Variants in DESI2 observed in about 807,000 individuals in gnomAD.
DESI2 encodes the protein deubiquitinase DESI2.
Under a neutral mutation model 24.1 loss-of-function variants are expected in DESI2, and 10 were observed. The observed-to-expected ratio is 0.41, with a 90% CI of 0.26 to 0.70. DESI2 has a LOEUF of 0.70. Among genes scored for constraint, DESI2 ranks in the 30% least tolerant of loss-of-function variants. The probability of loss-of-function intolerance (pLI) is 0.29; values close to 1 mark genes in which losing one functional copy is unlikely to be tolerated. For synonymous variants in DESI2, 71 were observed against 87.7 expected (o/e 0.81, Z 1.06); for missense variants, 122 against 234.9 (o/e 0.52, Z 3.14).
At chr1:244,656,188 G>A (rs184034529) in intron 1 of DESI2, 1 of 152,260 alleles carries the variant, frequency 6.6e-6, no homozygotes, top group Admixed American at 6.5e-5. Flanking sequence ...ATCAACCTTA[G>A]GGATGCCCTT....
chr1:244,695,519 G>C (rs1677180302), intron 4 of DESI2, among the ~76,000 whole-genome samples: 1 of 152,266 alleles, frequency 6.6e-6, no homozygotes, highest in African/African-American at 2.4e-5. Context: ...TGGGCGTGGT[G>C]GCGGGCACCT....
In DESI2 at chr1:244,683,201, G is replaced by A. The variant is rs937701401; in HGVS notation, c.43-3396G>A. On this transcript the variant is annotated intron_variant, in intron 1 of 4. Coordinates refer to ENST00000302550, the MANE Select transcript of DESI2 (RefSeq NM_016076.5). ...GGTGATCAGATAGCAAGGGTTGGGGGTTCTTGCTGAACTGAATTAGCAAGA... is the reference window on the plus strand; with the variant it reads ...GGTGATCAGATAGCAAGGGTTGGGGATTCTTGCTGAACTGAATTAGCAAGA... Among the ~76,000 whole-genome samples, 14 of 152,288 alleles carry A rather than the reference G, an allele frequency of 9.2e-5. No individual in the cohort carries two copies. In the South Asian group the frequency reaches 2.9e-3, roughly 32 times the overall value.
At chr1:244,668,871 G>A (rs531372689) in intron 1 of DESI2, among the ~76,000 whole-genome samples, 1 of 152,260 alleles carries the variant, frequency 6.6e-6, no homozygotes, top group South Asian at 2.1e-4. Flanking sequence ...GCAAGATTGA[G>A]CCCAAAAGTA....
chr1:244,703,933 A>G (rs1175756511), intron 4 of DESI2, among the ~76,000 whole-genome samples: 1 of 152,116 alleles, frequency 6.6e-6, no homozygotes, highest in African/African-American at 2.4e-5. Context: ...GCTGGGAATT[A>G]CAGGTGTGAG....
intron 1 of DESI2, chr1:244,653,930 T>C (rs1223513833): frequency 1.3e-5 from 6 of 471,116 alleles, no homozygotes; most frequent in African/African-American, 6.0e-5. Context: ...CGTTAAAATA[T>C]GAATGAGGCT....
chr1:244,672,190 T>G (rs138180069), intron 1 of DESI2, among the ~76,000 whole-genome samples: 180 of 152,048 alleles, frequency 1.2e-3, no homozygotes, highest in South Asian at 8.9e-3. Context: ...ATGTTGGAGG[T>G]GGATCCTAGT....
chr1:244,699,925 A>C (rs967035381), intron 4 of DESI2, among the ~76,000 whole-genome samples: 10 of 152,198 alleles, frequency 6.6e-5, no homozygotes, highest in Non-Finnish European at 1.3e-4. Context: ...GAGAGCAGGG[A>C]GTGGCCTCAG....
At chr1:244,699,825 G>A (rs536952704) in intron 4 of DESI2, among the ~76,000 whole-genome samples, 84 of 152,210 alleles carry the variant, frequency 5.5e-4, no homozygotes, top group African/African-American at 2.0e-3. Flanking sequence ...CTGCCTTTCC[G>A]CTCTTCCCTA....
intron 1 of DESI2, among the ~76,000 whole-genome samples, chr1:244,676,118 C>T (rs898294777): frequency 6.6e-6 from 1 of 151,732 alleles, no homozygotes; most frequent in Non-Finnish European, 1.5e-5. Context: ...GCTCTGTCTC[C>T]CAGGCTGGAG....
chr1:244,702,103 A>C (rs1677487131), intron 4 of DESI2, among the ~76,000 whole-genome samples: 1 of 152,248 alleles, frequency 6.6e-6, no homozygotes, highest in Admixed American at 6.5e-5. Context: ...TTACACACAC[A>C]CAGGCATGTA....
At chr1:244,693,391 A>G (rs1677096610) in intron 4 of DESI2, among the ~76,000 whole-genome samples, 2 of 151,394 alleles carry the variant, frequency 1.3e-5, no homozygotes, top group African/African-American at 4.8e-5. Context: ...TTTTTAGGCC[A>G]CAGTTTTTAT....
intron 1 of DESI2, among the ~76,000 whole-genome samples, chr1:244,683,250 C>T (rs1676680892): frequency 6.6e-6 from 1 of 152,162 alleles, no homozygotes; most frequent in African/African-American, 2.4e-5. Context: ...CCTGATTTTA[C>T]AAGTACGTGT....
intron 4 of DESI2, among the ~76,000 whole-genome samples, chr1:244,699,169 A>C (rs111430713): frequency 6.6e-6 from 1 of 152,216 alleles, no homozygotes; most frequent in Non-Finnish European, 1.5e-5. Context: ...CACTTACTAA[A>C]TGAATGATCA....
intron 1 of DESI2, among the ~76,000 whole-genome samples, chr1:244,664,983 T>G (rs964823185): frequency 1.3e-5 from 2 of 152,190 alleles, no homozygotes; most frequent in East Asian, 3.9e-4. Context: ...CCATGTTAAT[T>G]TGTGGCACAT....
At position 244,705,928 on chromosome 1, in the gene DESI2, A is replaced by G; in HGVS notation, c.*139A>G. The G allele has an allele frequency of 7.7e-6, 5 of 652,938 alleles. No individual in the cohort carries two copies. Among genetic ancestry groups the G allele is most frequent in the Non-Finnish European group, 1.3e-5 (5 of 387,518 alleles). The allele number at this position is 652,938 out of a possible 1,614,324, so 40.4% of individuals were successfully genotyped here. A position where few individuals can be genotyped will look rare whatever the true frequency, so the allele number is the denominator to read the frequency against. On this transcript the variant is annotated 3_prime_UTR_variant, in exon 5 of 5. Coordinates refer to ENST00000302550, the MANE Select transcript of DESI2 (RefSeq NM_016076.5). ...AATCCCAGTTTTTCAGCTCAGGATTATATTTGTAATCAAAAAAAAAAAATC... is the reference window on the plus strand; with the variant it reads ...AATCCCAGTTTTTCAGCTCAGGATTGTATTTGTAATCAAAAAAAAAAAATC...
At chr1:244,685,313 A>G (rs1676781150) in intron 1 of DESI2, among the ~76,000 whole-genome samples, 1 of 152,182 alleles carries the variant, frequency 6.6e-6, no homozygotes. Context: ...TTTATACATG[A>G]AATTTATGCA....
chr1:244,699,817 G>T (rs115093560), intron 4 of DESI2, among the ~76,000 whole-genome samples: 1,532 of 152,126 alleles, frequency 0.01, 29 homozygotes, highest in African/African-American at 0.035. Flanking sequence ...TTTCAATACT[G>T]CCTTTCCGCT....
chr1:244,692,119 G>A (rs904400109), intron 4 of DESI2, 99 bp downstream of exon 4: 98 of 1,061,918 alleles, frequency 9.2e-5, no homozygotes, highest in Non-Finnish European at 6.7e-5. Context: ...CTTCTTTTCC[G>A]ATTTTTTGTG....
intron 4 of DESI2, among the ~76,000 whole-genome samples, chr1:244,704,849 A>G (rs971051152): frequency 1.3e-5 from 2 of 152,152 alleles, no homozygotes; most frequent in African/African-American, 4.8e-5. Flanking sequence ...TGGTAGAGAC[A>G]GGGTTTCACC....
Sources: gnomAD v4.1 joint callset for allele counts (sites outside exome capture counted in the v4.1 genomes callset) on GRCh38, gnomAD v4.1.1 for gene constraint, MANE v1.5 for transcripts, NCBI Gene and HGNC (gene_info 2026-07-23, HGNC 2026-07-21) for gene names.